Variants in ATOSA observed in about 807,000 individuals in gnomAD.
The protein encoded by ATOSA is atos homolog A, also known as atos homolog protein A.
At chr15:52,683,034 C>T in the ATOSA span, among the ~76,000 whole-genome samples, 4 of 152,222 alleles carry the variant, frequency 2.6e-5, no homozygotes, top group Non-Finnish European at 5.9e-5. Context: ...TCCCAGTCTG[C>T]GTAAGTGTCT....
At chr15:52,637,466 T>C in the ATOSA span, among the ~76,000 whole-genome samples, 3 of 152,202 alleles carry the variant, frequency 2.0e-5, no homozygotes, top group Admixed American at 6.5e-5. Flanking sequence ...CCATTATCCA[T>C]GCTCAATCAC....
the ATOSA span, chr15:52,657,575 T>A: frequency 2.0e-5 from 3 of 152,258 alleles, no homozygotes; most frequent in Admixed American, 6.5e-5. Flanking sequence ...GCTAACAAAC[T>A]TCGGAGAGAA....
chr15:52,663,800 T>C, the ATOSA span, among the ~76,000 whole-genome samples: 1 of 152,038 alleles, frequency 6.6e-6, no homozygotes, highest in East Asian at 1.9e-4. Flanking sequence ...TTTTTTTAAG[T>C]TTTTTTGTAG....
chr15:52,611,853 G>A, the ATOSA span: 1 of 1,315,406 alleles, frequency 7.6e-7, no homozygotes, highest in South Asian at 1.3e-5. Context: ...AATTATCATT[G>A]TAAAGTAGAC....
chr15:52,592,029 T>C, the ATOSA span, among the ~76,000 whole-genome samples: 1 of 152,178 alleles, frequency 6.6e-6, no homozygotes, highest in African/African-American at 2.4e-5. Context: ...ACCCTTAGAA[T>C]GGAGTAAGCT....
chr15:52,623,148 G>C, the ATOSA span, among the ~76,000 whole-genome samples: 3 of 144,432 alleles, frequency 2.1e-5, no homozygotes, highest in African/African-American at 8.0e-5. Context: ...AACAGAGTGA[G>C]ACTCCGTGTC....
chr15:52,679,651 G>C, the ATOSA span, among the ~76,000 whole-genome samples: 41 of 152,218 alleles, frequency 2.7e-4, no homozygotes, highest in African/African-American at 9.9e-4. Flanking sequence ...GGCGCGCCTG[G>C]ATTCTGAGAC....
the ATOSA span, among the ~76,000 whole-genome samples, chr15:52,692,829 T>TC: frequency 6.6e-6 from 1 of 151,314 alleles, no homozygotes; most frequent in Non-Finnish European, 1.5e-5. Flanking sequence ...AGGGCCTTTT[T>TC]TTTTTGAGAT....
the ATOSA span, among the ~76,000 whole-genome samples, chr15:52,638,386 G>A: frequency 3.3e-5 from 5 of 151,886 alleles, no homozygotes; most frequent in Admixed American, 6.6e-5. Flanking sequence ...CGTAAACTAC[G>A]GACTATGGGT....
the ATOSA span, among the ~76,000 whole-genome samples, chr15:52,661,952 A>AC: frequency 1.1e-4 from 17 of 149,398 alleles, no homozygotes; most frequent in East Asian, 3.9e-4. Context: ...AAAAAAAAAA[A>AC]CAGCAAAAAA....
chr15:52,689,353 C>T, the ATOSA span, among the ~76,000 whole-genome samples: 3 of 152,088 alleles, frequency 2.0e-5, no homozygotes, highest in Admixed American at 6.6e-5. Context: ...ATTTCTGTCT[C>T]TTCATCAGGA....
chr15:52,589,591 T>C, the ATOSA span, among the ~76,000 whole-genome samples: 2 of 152,172 alleles, frequency 1.3e-5, no homozygotes, highest in Non-Finnish European at 2.9e-5. Context: ...GGCAACAATT[T>C]AAAACAATTT....
At chr15:52,659,265 A>G in the ATOSA span, among the ~76,000 whole-genome samples, 3 of 152,234 alleles carry the variant, frequency 2.0e-5, no homozygotes, top group East Asian at 5.8e-4. Flanking sequence ...TGCCAGGCAC[A>G]TTGAAAGTGC....
At chr15:52,662,643 G>A in the ATOSA span, among the ~76,000 whole-genome samples, 4 of 151,772 alleles carry the variant, frequency 2.6e-5, no homozygotes, top group African/African-American at 7.2e-5. Context: ...GGTGGCGGGT[G>A]CCTGTAGTCC....
the ATOSA span, among the ~76,000 whole-genome samples, chr15:52,681,817 G>T: frequency 6.6e-6 from 1 of 152,150 alleles, no homozygotes; most frequent in African/African-American, 2.4e-5. Flanking sequence ...TGAAATGGGT[G>T]GTGTATGATC....
the ATOSA span, among the ~76,000 whole-genome samples, chr15:52,588,279 A>C: frequency 6.6e-6 from 1 of 152,344 alleles, no homozygotes; most frequent in East Asian, 1.9e-4. Flanking sequence ...AGTTTTTCTC[A>C]GGATGTTCTC....
At chr15:52,702,735 T>C in the ATOSA span, among the ~76,000 whole-genome samples, 160 of 133,340 alleles carry the variant, frequency 1.2e-3, 1 homozygote, top group African/African-American at 4.5e-3. Context: ...AACAAACCTG[T>C]ACATGTATCC....
the ATOSA span, among the ~76,000 whole-genome samples, chr15:52,625,548 A>G: frequency 1.3e-5 from 2 of 152,242 alleles, no homozygotes. Flanking sequence ...CTATAAGTAA[A>G]AAATCTATCA....
chr15:52,652,069 G>A, the ATOSA span: 2 of 1,455,142 alleles, frequency 1.4e-6, no homozygotes, highest in Non-Finnish European at 1.8e-6. Context: ...AGCAGAGTAA[G>A]AGCGCACATA....
Sources: allele counts gnomAD v4.1 joint callset (sites outside exome capture counted in the v4.1 genomes callset), GRCh38; gene constraint gnomAD v4.1.1; transcripts MANE v1.5; gene names NCBI Gene and HGNC (gene_info 2026-07-23, HGNC 2026-07-21).